Variants in CTNND2 observed in about 807,000 individuals in gnomAD.
The protein encoded by CTNND2 is catenin delta 2.
A neutral mutation model predicts 144.4 loss-of-function variants in CTNND2; 22 were observed. That is an observed-to-expected ratio of 0.15 (90% CI 0.11 to 0.22). The LOEUF is 0.22. CTNND2 is among the 10% of genes least tolerant of loss of function. CTNND2 has a pLI of 1.00. For missense variants in CTNND2, 1,353 were observed against 1,618.8 expected (o/e 0.84, Z 2.82); for synonymous variants, 751 against 695.6 (o/e 1.08, Z -1.25).
intron 1 of CTNND2, among the ~76,000 whole-genome samples, chr5:11,859,048 A>G (rs549765357): frequency 1.6e-4 from 25 of 152,362 alleles, no homozygotes; most frequent in Non-Finnish European, 3.2e-4. Context: ...GAAAAACCCA[A>G]TGAAGTAGAT....
intron 2 of CTNND2, among the ~76,000 whole-genome samples, chr5:11,644,809 C>T (rs1400929614): frequency 6.6e-6 from 1 of 151,974 alleles, no homozygotes; most frequent in African/African-American, 2.4e-5. Context: ...TGCTTGTCAC[C>T]CATAAGTCAA....
chr5:11,218,345 C>T (rs987943277), intron 10 of CTNND2, among the ~76,000 whole-genome samples: 1 of 152,102 alleles, frequency 6.6e-6, no homozygotes, highest in African/African-American at 2.4e-5. Context: ...CATGCTGGTG[C>T]CAACTCTGAC....
intron 9 of CTNND2, among the ~76,000 whole-genome samples, chr5:11,339,970 T>C (rs1292690582): frequency 1.3e-5 from 2 of 152,316 alleles, no homozygotes. Flanking sequence ...AATCCACATA[T>C]TGGAAGTGCA....
chr5:11,747,627 C>T (rs1788387701), intron 1 of CTNND2, among the ~76,000 whole-genome samples: 1 of 152,142 alleles, frequency 6.6e-6, no homozygotes, highest in Non-Finnish European at 1.5e-5. Context: ...CCTAAATATT[C>T]TCCCTAGTAA....
At chr5:11,662,216 C>CATATATGTGTAT (rs1561669285) in intron 2 of CTNND2, among the ~76,000 whole-genome samples, 2 of 89,422 alleles carry the variant, frequency 2.2e-5, no homozygotes, top group African/African-American at 1.6e-4. Context: ...TATATATATA[C>CATATATGTGTAT]ATATATGTGT....
chr5:11,359,219 T>G (rs552331870), intron 8 of CTNND2, among the ~76,000 whole-genome samples: 113 of 152,368 alleles, frequency 7.4e-4, no homozygotes, highest in Non-Finnish European at 1.2e-3. Flanking sequence ...AAGCCTCATC[T>G]CACATGAAAT....
intron 3 of CTNND2, among the ~76,000 whole-genome samples, chr5:11,437,670 G>C (rs1250762983): frequency 6.6e-6 from 1 of 152,218 alleles, no homozygotes; most frequent in Non-Finnish European, 1.5e-5. Flanking sequence ...GTTTGGGACA[G>C]AGACAATATT....
At chr5:11,557,429 G>A (rs1561552927) in intron 3 of CTNND2, among the ~76,000 whole-genome samples, 1 of 152,130 alleles carries the variant, frequency 6.6e-6, no homozygotes, top group Non-Finnish European at 1.5e-5. Context: ...ATCAGATCGA[G>A]GTTCTGGTTT....
chr5:11,609,057 C>G (rs1053109268), intron 2 of CTNND2, among the ~76,000 whole-genome samples: 32 of 152,212 alleles, frequency 2.1e-4, no homozygotes, highest in African/African-American at 7.5e-4. Context: ...TCCTGTGAAT[C>G]TGAGCACAGG....
At chr5:11,548,300 G>C (rs1775437364) in intron 3 of CTNND2, among the ~76,000 whole-genome samples, 1 of 152,146 alleles carries the variant, frequency 6.6e-6, no homozygotes. Flanking sequence ...ACAATGAGGA[G>C]GGGGCCTAGA....
intron 1 of CTNND2, among the ~76,000 whole-genome samples, chr5:11,755,014 G>T (rs1366302277): frequency 6.6e-6 from 1 of 151,658 alleles, no homozygotes; most frequent in Non-Finnish European, 1.5e-5. Flanking sequence ...AGACTTGATT[G>T]TGTGGTTGCT....
At chr5:11,739,666 T>A (rs55853177) in intron 1 of CTNND2, among the ~76,000 whole-genome samples, 80 of 152,198 alleles carry the variant, frequency 5.3e-4, no homozygotes, top group Middle Eastern at 3.4e-3. Context: ...TCACCACTCC[T>A]ATTATAGTGT....
intron 9 of CTNND2, among the ~76,000 whole-genome samples, chr5:11,274,516 T>G (rs1746329623): frequency 6.6e-6 from 1 of 151,098 alleles, no homozygotes; most frequent in Non-Finnish European, 1.5e-5. Flanking sequence ...AAAACACATT[T>G]GGGAGAGTAA....
chr5:11,557,635 T>C (rs1019999491), intron 3 of CTNND2, among the ~76,000 whole-genome samples: 1 of 152,188 alleles, frequency 6.6e-6, no homozygotes, highest in African/African-American at 2.4e-5. Context: ...CTTGTGTGAT[T>C]AGGTCACACC....
chr5:11,550,564 C>T (rs1775665416), intron 3 of CTNND2, among the ~76,000 whole-genome samples: 1 of 152,242 alleles, frequency 6.6e-6, no homozygotes, highest in South Asian at 2.1e-4. Context: ...GTGCATAAGA[C>T]AAAGGAATAA....
chr5:11,503,066 G>C (rs1459164093), intron 3 of CTNND2, among the ~76,000 whole-genome samples: 1 of 152,168 alleles, frequency 6.6e-6, no homozygotes. Flanking sequence ...ACTGTATGTA[G>C]CAACAGAAAT....
rs890134931 is a variant in CTNND2, at chr5:11,756,231, A to T, written c.38-23959T>A. On this transcript the variant is annotated intron_variant, in intron 1 of 21. Coordinates refer to ENST00000304623, the MANE Select transcript of CTNND2 (RefSeq NM_001332.4). ...TTATTAACAAGTGGCTGATTCAAGA[A>T]TATAGAAAATTTTTTTAAATATTAT... is the stretch of plus-strand genomic sequence containing the variant. 9.2e-5 allele frequency among the ~76,000 whole-genome samples: 14 copies of T among 151,856 alleles called. No homozygotes were observed. The South Asian group carries it at 2.1e-3, about 22-fold the overall frequency.
At chr5:11,765,497 G>A (rs1271158868) in intron 1 of CTNND2, among the ~76,000 whole-genome samples, 1 of 152,184 alleles carries the variant, frequency 6.6e-6, no homozygotes, top group East Asian at 1.9e-4. Context: ...CAAGGTCTGT[G>A]TCCACTCTTC....
rs549586007 is a variant in CTNND2 at position 11,627,325 on chromosome 5, A to C, written c.175-62269T>G. ...AGCAGACCCTACATAATCCAGGTGG[A>C]GTTACCAGCAGTTCTTCAGTGGCTC... is the stretch of plus-strand genomic sequence containing the variant. On this transcript the variant is annotated intron_variant, in intron 2 of 21. Coordinates refer to ENST00000304623, the MANE Select transcript of CTNND2 (RefSeq NM_001332.4). Among the ~76,000 whole-genome samples, 104 of 152,298 alleles carry C rather than the reference A, an allele frequency of 6.8e-4. 2 individuals carry two copies. Among genetic ancestry groups the C allele is most frequent in the African/African-American group, 2.1e-3 (87 of 41,564 alleles).
Sources: allele counts gnomAD v4.1 joint callset (sites outside exome capture counted in the v4.1 genomes callset), GRCh38; gene constraint gnomAD v4.1.1; transcripts MANE v1.5; gene names NCBI Gene and HGNC (gene_info 2026-07-23, HGNC 2026-07-21).